Variants in ITGA9 observed in about 807,000 individuals in gnomAD.
ITGA9 encodes the protein integrin alpha-9.
Under a neutral mutation model 127.8 loss-of-function variants are expected in ITGA9, and 56 were observed. The ratio of observed to expected loss-of-function variants is 0.44; its 90% CI spans 0.35 to 0.55. The LOEUF is 0.55. ITGA9 is among the 20% of genes least tolerant of loss of function. The probability of loss-of-function intolerance (pLI) is 0.00; values close to 1 mark genes in which losing one functional copy is unlikely to be tolerated. For missense variants in ITGA9, 1,196 were observed against 1,347.1 expected (o/e 0.89, Z 1.76); for synonymous variants, 508 against 514.5 (o/e 0.99, Z 0.17).
intron 16 of ITGA9, among the ~76,000 whole-genome samples, chr3:37,642,818 C>G (rs1700345409): frequency 6.6e-6 from 1 of 152,210 alleles, no homozygotes; most frequent in South Asian, 2.1e-4. Context: ...GAAATCGTCA[C>G]TACAGCTCCT....
chr3:37,470,209 A>G (rs1452406099), intron 1 of ITGA9, among the ~76,000 whole-genome samples: 1 of 143,422 alleles, frequency 7.0e-6, no homozygotes, highest in African/African-American at 2.6e-5. Flanking sequence ...GTAGAAATGT[A>G]TGCATCTCTA....
At chr3:37,517,124 C>T (rs927265330) in intron 9 of ITGA9, among the ~76,000 whole-genome samples, 2 of 152,172 alleles carry the variant, frequency 1.3e-5, no homozygotes, top group African/African-American at 4.8e-5. Context: ...AATGTATACC[C>T]TTTTAAAACA....
intron 1 of ITGA9, among the ~76,000 whole-genome samples, chr3:37,462,454 G>T (rs1698325513): frequency 6.6e-6 from 1 of 152,190 alleles, no homozygotes; most frequent in Non-Finnish European, 1.5e-5. Flanking sequence ...CAGAACCACT[G>T]TGTTCATAGT....
intron 15 of ITGA9, among the ~76,000 whole-genome samples, chr3:37,596,525 G>T (rs1166172428): frequency 6.6e-6 from 1 of 152,188 alleles, no homozygotes; most frequent in African/African-American, 2.4e-5. Flanking sequence ...CAGAGTCTTG[G>T]AGAGCACAAA....
At chr3:37,492,003 A>T (rs950096730) in intron 4 of ITGA9, among the ~76,000 whole-genome samples, 1 of 152,178 alleles carries the variant, frequency 6.6e-6, no homozygotes, top group Non-Finnish European at 1.5e-5. Flanking sequence ...AAACTGTCTA[A>T]TCCAATAACA....
At chr3:37,628,791 C>T (rs1700200948) in intron 15 of ITGA9, among the ~76,000 whole-genome samples, 1 of 152,190 alleles carries the variant, frequency 6.6e-6, no homozygotes, top group Non-Finnish European at 1.5e-5. Context: ...CCATATTTAT[C>T]TCAATGCAAA....
chr3:37,817,171 A>G (rs1260346032), intron 27 of ITGA9, among the ~76,000 whole-genome samples: 2 of 152,186 alleles, frequency 1.3e-5, no homozygotes, highest in Admixed American at 6.5e-5. Flanking sequence ...CAACAAAAAC[A>G]TTTGATGTGC....
At chr3:37,637,072 C>G (rs1372678318) in intron 16 of ITGA9, among the ~76,000 whole-genome samples, 1 of 152,182 alleles carries the variant, frequency 6.6e-6, no homozygotes, top group Non-Finnish European at 1.5e-5. Flanking sequence ...AGCGTGACGC[C>G]TCCAGCTTTG....
At chr3:37,749,343 A>G (rs1696551446) in intron 22 of ITGA9, 1 of 152,824 alleles carries the variant, frequency 6.5e-6, no homozygotes, top group African/African-American at 2.4e-5. Context: ...AATTCAAGAT[A>G]CCCTCTTTAT....
At position 37,619,474 on chromosome 3, in the gene ITGA9, G is replaced by C. The variant is rs534910635; in HGVS notation, c.1690-9713G>C. 1.2e-4 allele frequency among the ~76,000 whole-genome samples: 18 copies of C among 152,314 alleles called. 1 individual carries two copies. In the South Asian group the frequency reaches 3.7e-3, roughly 32 times the overall value. On this transcript the variant is annotated intron_variant, in intron 15 of 27. Coordinates refer to ENST00000264741, the MANE Select transcript of ITGA9 (RefSeq NM_002207.3). ...GAGTAAGGATGTGGTCTCAGGAAAA[G>C]TCTAGCCTCAGCCTGATCCCGTGCA...
Position 37,503,248 on chromosome 3 carries a change from A to G in ITGA9, c.683A>G (p.Asp228Gly), listed in dbSNP as rs1323375527. 8 of 1,613,984 alleles carry G rather than the reference A, an allele frequency of 5.0e-6. No individual in the cohort carries two copies. The highest frequency in any genetic ancestry group is 6.8e-6 in the Non-Finnish European group (8 of 1,179,996). ...ACCATCAAAGTGCTGAACCTTACGG[A>G]CAACACCTATTTAAAACTGAACGAC... ...AGTIKVLNLT[D>G]NTYLKLNDEV... is the part of the protein sequence containing the mutation. The change falls in exon 6 of 28, where the codon GAC becomes GGC. Residue 228 changes from aspartate to glycine, a missense_variant. Physicochemically the swap from Asp to Gly is moderately conservative, Grantham distance 94. Transcript: ENST00000264741.
chr3:37,701,662 GA>G (rs35822051), intron 18 of ITGA9, among the ~76,000 whole-genome samples: 1 of 152,204 alleles, frequency 6.6e-6, no homozygotes, highest in African/African-American at 2.4e-5. Context: ...GTCCTCAGGT[GA>G]AAAAATGCAG....
At chr3:37,558,729 A>G (rs187306870) in intron 15 of ITGA9, among the ~76,000 whole-genome samples, 1 of 152,300 alleles carries the variant, frequency 6.6e-6, no homozygotes, top group East Asian at 1.9e-4. Flanking sequence ...CTGCTGGGGC[A>G]TCCGTTCTGA....
intron 16 of ITGA9, among the ~76,000 whole-genome samples, chr3:37,642,603 G>A (rs1007903192): frequency 5.3e-5 from 8 of 152,194 alleles, no homozygotes; most frequent in African/African-American, 1.9e-4. Flanking sequence ...TGTGTGATTT[G>A]CAGTGACATA....
In ITGA9 at chr3:37,503,267, G is replaced by A; in HGVS notation, c.702G>A (p.Leu234=). 6.2e-7 allele frequency: 1 copy of A among 1,614,130 alleles called. No individual in the cohort carries two copies. The highest frequency in any genetic ancestry group is 8.5e-7 in the Non-Finnish European group (1 of 1,180,008). Residue 234 remains leucine, a synonymous_variant, in exon 6 of 28, where the codon CTG becomes CTA. Transcript: ENST00000264741. ...TTACGGACAACACCTATTTAAAACT[G>A]AACGACGAAGTGATCATGAACAGGC... ...LNLTDNTYLK[L]NDEVIMNRRY... is the part of the protein sequence containing the mutation.
chr3:37,581,025 C>T (rs116237784), intron 15 of ITGA9, among the ~76,000 whole-genome samples: 114 of 152,224 alleles, frequency 7.5e-4, no homozygotes, highest in African/African-American at 2.4e-3. Flanking sequence ...GAAAACCCAG[C>T]GAGAGGGATG....
At chr3:37,482,962 T>C (rs952619223) in intron 4 of ITGA9, among the ~76,000 whole-genome samples, 1 of 152,146 alleles carries the variant, frequency 6.6e-6, no homozygotes, top group Non-Finnish European at 1.5e-5. Flanking sequence ...GATCGTTGGT[T>C]TCAGAAACGC....
intron 17 of ITGA9, among the ~76,000 whole-genome samples, chr3:37,680,785 T>G (rs545294021): frequency 1.1e-4 from 16 of 152,370 alleles, no homozygotes; most frequent in African/African-American, 3.6e-4. Context: ...TTTATTCTTT[T>G]AATCTTCCAA....
chr3:37,783,829 G>A (rs1697007180), intron 25 of ITGA9, among the ~76,000 whole-genome samples: 1 of 152,192 alleles, frequency 6.6e-6, no homozygotes, highest in South Asian at 2.1e-4. Flanking sequence ...TCTTATGGTT[G>A]TTTTAAGAAA....
Sources: allele counts gnomAD v4.1 joint callset (sites outside exome capture counted in the v4.1 genomes callset), GRCh38; gene constraint gnomAD v4.1.1; transcripts MANE v1.5; gene names NCBI Gene and HGNC (gene_info 2026-07-23, HGNC 2026-07-21).